The following LRRC4C variants were observed in gnomAD, a reference collection of about 807,000 sequenced individuals.
LRRC4C encodes the protein leucine-rich repeat-containing protein 4C.
LRRC4C carries 5 observed loss-of-function variants against 33.6 expected under a neutral mutation model. That is an observed-to-expected ratio of 0.15 (90% CI 0.08 to 0.31). LRRC4C has a LOEUF of 0.31. Among genes scored for constraint, LRRC4C ranks in the 10% least tolerant of loss-of-function variants. LRRC4C has a pLI of 1.00. For missense variants in LRRC4C, 560 were observed against 796.7 expected (o/e 0.70, Z 3.58); for synonymous variants, 329 against 302.0 (o/e 1.09, Z -0.93).
At chr11:41,288,416 G>A (rs754870776) in intron 1 of LRRC4C, among the ~76,000 whole-genome samples, 3 of 152,122 alleles carry the variant, frequency 2.0e-5, no homozygotes, top group Admixed American at 6.5e-5. Context: ...AAACTGGGGA[G>A]AGAGAGTGTA....
chr11:40,918,018 C>T (rs1375352896), intron 2 of LRRC4C, among the ~76,000 whole-genome samples: 1 of 152,058 alleles, frequency 6.6e-6, no homozygotes, highest in East Asian at 1.9e-4. Context: ...ATTCCTAGAA[C>T]AATGCCATGA....
intron 1 of LRRC4C, among the ~76,000 whole-genome samples, chr11:41,281,082 T>TCTCTCTCTCTC (rs1949658851): frequency 1.1e-5 from 1 of 90,858 alleles, no homozygotes. Context: ...CTCTGTCCTC[T>TCTCTCTCTCTC]CTCTCTCTCT....
Position 41,361,154 on chromosome 11 carries a change from T to C in LRRC4C, c.-496+98277A>G, listed in dbSNP as rs1228634791. Reference sequence around the variant, plus strand: ...CACATACACCAGGCATGAGTGGATATTCATTTCACGAATACGATGATGTCA... The same window carrying C: ...CACATACACCAGGCATGAGTGGATACTCATTTCACGAATACGATGATGTCA... On this transcript the variant is annotated intron_variant, in intron 1 of 6. Transcript: ENST00000528697. 2.0e-5 allele frequency among the ~76,000 whole-genome samples: 3 copies of C among 152,206 alleles called. No individual in the cohort carries two copies. The East Asian group carries it at 5.8e-4, about 29-fold the overall frequency.
intron 2 of LRRC4C, among the ~76,000 whole-genome samples, chr11:40,890,978 C>T (rs561242706): frequency 6.6e-6 from 1 of 152,186 alleles, no homozygotes; most frequent in East Asian, 1.9e-4. Flanking sequence ...CATGGTGGCT[C>T]ACACCTATAA....
At chr11:40,568,800 G>A (rs1957864159) in intron 3 of LRRC4C, among the ~76,000 whole-genome samples, 1 of 152,168 alleles carries the variant, frequency 6.6e-6, no homozygotes, top group South Asian at 2.1e-4. Flanking sequence ...GTTGTCATGG[G>A]ATGAGGAAAG....
chr11:40,487,252 C>G (rs1953911560), intron 3 of LRRC4C, among the ~76,000 whole-genome samples: 1 of 152,028 alleles, frequency 6.6e-6, no homozygotes. Flanking sequence ...GAATTTGAGG[C>G]TTCTGTAATT....
intron 3 of LRRC4C, among the ~76,000 whole-genome samples, chr11:40,535,854 C>G (rs1242242489): frequency 6.6e-6 from 1 of 152,168 alleles, no homozygotes; most frequent in African/African-American, 2.4e-5. Context: ...AGTATCACAT[C>G]ACAGAGATTA....
At chr11:40,137,146 A>C (rs936322327) in intron 6 of LRRC4C, among the ~76,000 whole-genome samples, 3 of 149,940 alleles carry the variant, frequency 2.0e-5, no homozygotes, top group African/African-American at 7.5e-5. Context: ...CTGTACACCT[A>C]TGTATGCACG....
intron 1 of LRRC4C, among the ~76,000 whole-genome samples, chr11:41,335,588 T>A (rs376043851): frequency 1.3e-5 from 2 of 152,222 alleles, no homozygotes; most frequent in African/African-American, 2.4e-5. Context: ...TATTTACATG[T>A]TTATTCATTC....
At chr11:40,734,542 G>A (rs191726153) in intron 2 of LRRC4C, among the ~76,000 whole-genome samples, 1 of 152,200 alleles carries the variant, frequency 6.6e-6, no homozygotes, top group Admixed American at 6.5e-5. Flanking sequence ...GAAACTAGAG[G>A]TTAAAAACGG....
At position 41,396,361 on chromosome 11, in the gene LRRC4C, A is replaced by C. The variant is rs181037616; in HGVS notation, c.-496+63070T>G. On this transcript the variant is annotated intron_variant, in intron 1 of 6. Transcript: ENST00000528697. ...TTAAGATAGGTATTGCAGTCTGACT[A>C]ATTTTCAATGCTAAATTAAAGTGCA... is the stretch of plus-strand genomic sequence containing the variant. Among the ~76,000 whole-genome samples, 188 of 152,154 alleles carry C rather than the reference A, an allele frequency of 1.2e-3. 1 individual carries two copies. The highest frequency in any genetic ancestry group is 4.5e-3 in the African/African-American group (186 of 41,546).
At chr11:41,435,511 ATT>A (rs1955395356) in intron 1 of LRRC4C, among the ~76,000 whole-genome samples, 1 of 152,216 alleles carries the variant, frequency 6.6e-6, no homozygotes, top group Non-Finnish European at 1.5e-5. Context: ...AATGGTTAAC[ATT>A]TATTAAGTAC....
intron 3 of LRRC4C, among the ~76,000 whole-genome samples, chr11:40,615,265 T>TATATATATATATAC (rs1490740198): frequency 5.6e-3 from 300 of 53,338 alleles, no homozygotes; most frequent in Non-Finnish European, 0.012. Context: ...TATATATATA[T>TATATATATATATAC]ACACACACAC....
chr11:41,322,979 C>A (rs1001137310), intron 1 of LRRC4C, among the ~76,000 whole-genome samples: 13 of 152,154 alleles, frequency 8.5e-5, no homozygotes, highest in African/African-American at 3.1e-4. Flanking sequence ...TGGCTAACCA[C>A]AAAGAGGGTC....
intron 1 of LRRC4C, among the ~76,000 whole-genome samples, chr11:40,973,460 A>G (rs1420824592): frequency 6.6e-6 from 1 of 152,148 alleles, no homozygotes; most frequent in Non-Finnish European, 1.5e-5. Flanking sequence ...GAATCCCAAA[A>G]TGATTTATTT....
chr11:40,902,295 T>C (rs1956243431), intron 2 of LRRC4C, among the ~76,000 whole-genome samples: 1 of 152,138 alleles, frequency 6.6e-6, no homozygotes, highest in Non-Finnish European at 1.5e-5. Flanking sequence ...TGGGGCACTG[T>C]GAACACACCA....
At chr11:40,401,242 T>C (rs540486364) in intron 3 of LRRC4C, among the ~76,000 whole-genome samples, 1 of 152,008 alleles carries the variant, frequency 6.6e-6, no homozygotes, top group South Asian at 2.1e-4. Context: ...TCCCTCTCTC[T>C]CTCTCTCTCT....
intron 3 of LRRC4C, among the ~76,000 whole-genome samples, chr11:40,342,919 T>G (rs900820504): frequency 6.6e-6 from 1 of 152,120 alleles, no homozygotes; most frequent in African/African-American, 2.4e-5. Context: ...TCTAGTCATC[T>G]CTCCATCTAT....
intron 3 of LRRC4C, among the ~76,000 whole-genome samples, chr11:40,324,629 G>T (rs1278865489): frequency 6.6e-6 from 1 of 152,172 alleles, no homozygotes; most frequent in African/African-American, 2.4e-5. Flanking sequence ...CAAGGTCCTG[G>T]CTCTCAAGAT....
Sources: allele counts gnomAD v4.1 joint callset (sites outside exome capture counted in the v4.1 genomes callset), GRCh38; gene constraint gnomAD v4.1.1; transcripts MANE v1.5; gene names NCBI Gene and HGNC (gene_info 2026-07-23, HGNC 2026-07-21).